Variants in STK32C observed in about 807,000 individuals in gnomAD.
The protein encoded by STK32C is serine/threonine-protein kinase 32C.
In STK32C, 31 loss-of-function variants were observed where a neutral mutation model predicts 56.5. The ratio of observed to expected loss-of-function variants is 0.55; its 90% CI spans 0.41 to 0.74. The LOEUF (loss-of-function observed/expected upper bound fraction) is 0.74. STK32C is among the 30% of genes least tolerant of loss of function. The probability of loss-of-function intolerance (pLI) is 0.00; values close to 1 mark genes in which losing one functional copy is unlikely to be tolerated. For synonymous variants in STK32C, 309 were observed against 289.4 expected (o/e 1.07, Z -0.69); for missense variants, 544 against 676.9 (o/e 0.80, Z 2.18).
intron 1 of STK32C, among the ~76,000 whole-genome samples, chr10:132,262,937 A>G (rs1370415186): frequency 1.3e-5 from 2 of 152,184 alleles, no homozygotes; most frequent in African/African-American, 4.8e-5. Context: ...AAAAGTCATA[A>G]AACAACAGAT....
upstream of STK32C, among the ~76,000 whole-genome samples, chr10:132,309,324 A>AGGACATGCACCCACCT (rs2066175518): frequency 6.6e-6 from 1 of 151,826 alleles, no homozygotes; most frequent in African/African-American, 2.4e-5. Context: ...CCATCTACCT[A>AGGACATGCACCCACCT]GGACATGCAC....
chr10:132,243,090 C>A (rs555435413), intron 2 of STK32C, among the ~76,000 whole-genome samples: 1 of 152,324 alleles, frequency 6.6e-6, no homozygotes, highest in Non-Finnish European at 1.5e-5. Context: ...CCCAGAGAGA[C>A]CCTGGGGCAG....
chr10:132,235,869 C>T (rs931429186), intron 2 of STK32C, among the ~76,000 whole-genome samples: 3 of 151,742 alleles, frequency 2.0e-5, no homozygotes, highest in Non-Finnish European at 4.4e-5. Context: ...GGAAAAATAC[C>T]GTGGCGGTGG....
intron 10 of STK32C, among the ~76,000 whole-genome samples, chr10:132,219,996 A>C (rs1241074608): frequency 6.6e-6 from 1 of 151,924 alleles, no homozygotes; most frequent in Non-Finnish European, 1.5e-5. Context: ...TCAACACACA[A>C]CCATAGCTAC....
intron 1 of STK32C, among the ~76,000 whole-genome samples, chr10:132,317,967 C>CAAAAAAA (rs1223040750): frequency 1.8e-5 from 1 of 55,572 alleles, no homozygotes; most frequent in Non-Finnish European, 3.8e-5. Flanking sequence ...GACTCTGTCT[C>CAAAAAAA]AAAAAAAAAA....
chr10:132,293,777 G>C (rs1360481345), intron 1 of STK32C, among the ~76,000 whole-genome samples: 1 of 152,152 alleles, frequency 6.6e-6, no homozygotes, highest in Non-Finnish European at 1.5e-5. Flanking sequence ...AGCAGACTGG[G>C]CCACACCAGC....
In STK32C at chr10:132,307,879, G is replaced by C; in HGVS notation, c.-46C>G. On this transcript the variant is annotated 5_prime_UTR_variant, in exon 1 of 12. Coordinates refer to ENST00000298630, the MANE Select transcript of STK32C (RefSeq NM_173575.4). This position sits in a 1 kb window ranked among gnomAD's most constrained non-coding sequence, Gnocchi z 4.4. ...GGCAGCCGGAACTCGGGGCATGGCC[G>C]GCCGGCAGGGCCGGGAGCGGCAGTG... is the stretch of plus-strand genomic sequence containing the variant. 8.8e-7 allele frequency: 1 copy of C among 1,140,500 alleles called. No homozygotes were observed. Among genetic ancestry groups the C allele is most frequent in the Non-Finnish European group, 1.1e-6 (1 of 923,502 alleles). The allele number at this position is 1,140,500 out of a possible 1,614,324, so 70.6% of individuals were successfully genotyped here. A position where few individuals can be genotyped will look rare whatever the true frequency, so the allele number is the denominator to read the frequency against.
At chr10:132,259,197 G>C (rs1367317451) in intron 1 of STK32C, among the ~76,000 whole-genome samples, 1 of 152,226 alleles carries the variant, frequency 6.6e-6, no homozygotes, top group African/African-American at 2.4e-5. Context: ...CCCTGGGGCA[G>C]GTGGGAAAAT....
At chr10:132,227,558 TGAC>T (rs2062933937) in intron 3 of STK32C, among the ~76,000 whole-genome samples, 3 of 151,870 alleles carry the variant, frequency 2.0e-5, no homozygotes, top group Admixed American at 6.6e-5. Context: ...ATTATAGTGA[TGAC>T]GGTGATGAGA....
At chr10:132,257,479 G>A (rs371501217) in intron 1 of STK32C, among the ~76,000 whole-genome samples, 5 of 151,764 alleles carry the variant, frequency 3.3e-5, no homozygotes, top group African/African-American at 1.2e-4. Flanking sequence ...GAGGAGGAGT[G>A]ACTCAGAGCA....
intron 1 of STK32C, among the ~76,000 whole-genome samples, chr10:132,271,797 G>T (rs2064834754): frequency 1.3e-5 from 2 of 152,196 alleles, no homozygotes; most frequent in African/African-American, 4.8e-5. Context: ...GGTGTGGGTG[G>T]GGATCTGGAG....
At chr10:132,273,142 C>T (rs1459146493) in intron 1 of STK32C, among the ~76,000 whole-genome samples, 1 of 152,230 alleles carries the variant, frequency 6.6e-6, no homozygotes, top group Non-Finnish European at 1.5e-5. Flanking sequence ...TATACATTTA[C>T]TTAGCTTCAC....
At position 132,225,925 on chromosome 10, in the gene STK32C, G is replaced by A. The variant is rs1440209941; in HGVS notation, c.645-141C>T. ...GGCCTGGGAGCTTGACTTGGTCCTT[G>A]GATGATGCTAGGACCTCACACCCCT... is the stretch of plus-strand genomic sequence containing the variant. On this transcript the variant is annotated intron_variant, in intron 4 of 11. Coordinates refer to ENST00000298630, the MANE Select transcript of STK32C (RefSeq NM_173575.4). 6.2e-5 allele frequency: 69 copies of A among 1,121,726 alleles called. 2 individuals are homozygous for A. The highest frequency in any genetic ancestry group is 6.0e-4 in the South Asian group (44 of 72,764). 69.5% of individuals were successfully genotyped at this position (1,121,726 alleles called of 1,614,324 possible). A position where few individuals can be genotyped will look rare whatever the true frequency, so the allele number is the denominator to read the frequency against.
Position 132,225,306 on chromosome 10 carries a change from C to T in STK32C, c.803G>A (p.Gly268Asp), listed in dbSNP as rs1263276153. 1.2e-6 allele frequency: 2 copies of T among 1,612,218 alleles called. No homozygotes were observed. The highest frequency in any genetic ancestry group is 1.7e-6 in the Non-Finnish European group (2 of 1,179,398). ...CACCTCGAAGGAGTAGCCGGTCCCG[C>T]CGTTGACAAAAGAGTGGAAGATCTC... Reference protein sequence around the residue: ...APEIFHSFVNGGTGYSFEVDW... With the variant: ...APEIFHSFVNDGTGYSFEVDW... Residue 268 changes from glycine to aspartate, a missense_variant, in exon 7 of 12, where the codon GGC becomes GAC. Transcript: ENST00000298630.
intron 1 of STK32C, among the ~76,000 whole-genome samples, chr10:132,266,208 T>C (rs1450853660): frequency 2.6e-5 from 4 of 152,206 alleles, no homozygotes; most frequent in African/African-American, 9.6e-5. Context: ...AGGTGTTACA[T>C]TGAGGGAAAG....
In STK32C at chr10:132,307,912, G is replaced by T. The variant is rs541908400; in HGVS notation, c.-79C>A. 8.3e-4 allele frequency: 916 copies of T among 1,102,252 alleles called. 8 individuals are homozygous for T. The African/African-American group carries it at 0.015, about 18-fold the overall frequency. The allele number at this position is 1,102,252 out of a possible 1,614,324, so 68.3% of individuals were successfully genotyped here. The stretch of plus-strand genomic sequence containing the variant: ...GGGCCGGGAGCGGCAGTGGTAGCGG[G>T]AGCGCTCGGGGCCGGCAGCGCCCGC... On this transcript the variant is annotated 5_prime_UTR_variant, in exon 1 of 12. Coordinates refer to ENST00000298630, the MANE Select transcript of STK32C (RefSeq NM_173575.4). This position sits in a 1 kb window ranked among gnomAD's most constrained non-coding sequence, Gnocchi z 4.4.
chr10:132,274,213 G>C (rs1161212548), intron 1 of STK32C, among the ~76,000 whole-genome samples: 2 of 152,190 alleles, frequency 1.3e-5, no homozygotes, highest in Admixed American at 1.3e-4. Flanking sequence ...ACTCAGCGGA[G>C]AGGCTGGCTC....
chr10:132,219,941 A>G (rs1442806363), intron 10 of STK32C, among the ~76,000 whole-genome samples: 1 of 152,170 alleles, frequency 6.6e-6, no homozygotes, highest in Admixed American at 6.5e-5. Flanking sequence ...ACTCAGGGGC[A>G]AGGGGACCAC....
At chr10:132,327,480 A>T (rs1053352699) in intron 1 of STK32C, among the ~76,000 whole-genome samples, 6 of 146,948 alleles carry the variant, frequency 4.1e-5, no homozygotes, top group African/African-American at 9.9e-5. Context: ...TTTAAAACAA[A>T]TTTTTTTTTT....
Sources: gnomAD v4.1 joint callset for allele counts (sites outside exome capture counted in the v4.1 genomes callset) on GRCh38, gnomAD v4.1.1 for gene constraint, Gnocchi (gnomAD v3.1) non-coding constraint, MANE v1.5 for transcripts, NCBI Gene and HGNC (gene_info 2026-07-23, HGNC 2026-07-21) for gene names.